The following ANGPT1 variants were observed in gnomAD, a reference collection of about 807,000 sequenced individuals.
ANGPT1 encodes the protein angiopoietin 1, also known as angiopoietin-1.
ANGPT1 carries 17 observed loss-of-function variants against 62.2 expected under a neutral mutation model. The observed-to-expected ratio is 0.27, with a 90% CI of 0.19 to 0.41. ANGPT1 has a LOEUF of 0.41. Among genes scored for constraint, ANGPT1 ranks in the 10% least tolerant of loss-of-function variants. The probability of loss-of-function intolerance (pLI) is 1.00; values close to 1 mark genes in which losing one functional copy is unlikely to be tolerated. For synonymous variants in ANGPT1, 199 were observed against 198.9 expected (o/e 1.00, Z 0.00); for missense variants, 478 against 594.9 (o/e 0.80, Z 2.04).
intron 1 of ANGPT1, among the ~76,000 whole-genome samples, chr8:107,457,851 CA>C (rs1811960860): frequency 2.7e-5 from 4 of 150,396 alleles, no homozygotes; most frequent in Admixed American, 1.3e-4. Flanking sequence ...CACACACACA[CA>C]CACACACACA....
chr8:107,476,273 A>T (rs1285145067), intron 1 of ANGPT1, among the ~76,000 whole-genome samples: 6 of 152,210 alleles, frequency 3.9e-5, no homozygotes, highest in Non-Finnish European at 7.3e-5. Context: ...GGATGAGTTC[A>T]TGTCCTTTGT....
chr8:107,263,179 C>A (rs1378272157), intron 8 of ANGPT1, among the ~76,000 whole-genome samples: 1 of 151,684 alleles, frequency 6.6e-6, no homozygotes, highest in Non-Finnish European at 1.5e-5. Context: ...CATGGTGAAA[C>A]CCCGTCTTTA....
intron 1 of ANGPT1, among the ~76,000 whole-genome samples, chr8:107,490,132 A>G (rs182435689): frequency 1.1e-3 from 167 of 152,326 alleles, no homozygotes; most frequent in African/African-American, 4.0e-3. Context: ...CATCATCTGC[A>G]CAAGTGAGAG....
chr8:107,322,172 T>C, intron 3 of ANGPT1, 44 bp from the exon 4 acceptor site: 1 of 1,424,018 alleles, frequency 7.0e-7, no homozygotes, highest in Non-Finnish European at 9.6e-7. Flanking sequence ...AAAAATGTTA[T>C]ACAAAAAAAC....
chr8:107,291,409 G>GTGTTTTGTTT (rs74814127), intron 6 of ANGPT1, among the ~76,000 whole-genome samples: 22 of 151,170 alleles, frequency 1.5e-4, no homozygotes, highest in Admixed American at 4.0e-4. Context: ...GACTATAATT[G>GTGTTTTGTTT]TGTTTTGTTT....
At chr8:107,376,587 G>A (rs1816535287) in intron 1 of ANGPT1, among the ~76,000 whole-genome samples, 1 of 152,100 alleles carries the variant, frequency 6.6e-6, no homozygotes, top group African/African-American at 2.4e-5. Flanking sequence ...GGTTCAGGAG[G>A]AGGGAGCAGT....
intron 1 of ANGPT1, among the ~76,000 whole-genome samples, chr8:107,427,594 A>C (rs1324434050): frequency 6.6e-6 from 1 of 152,146 alleles, no homozygotes; most frequent in Non-Finnish European, 1.5e-5. Flanking sequence ...CCTTGTCCAT[A>C]ACATTTCTGT....
rs1817258066 is a variant in ANGPT1 at position 107,411,021 on chromosome 8, G to A, written c.298-63924C>T. 2.0e-5 allele frequency among the ~76,000 whole-genome samples: 3 copies of A among 152,044 alleles called. No homozygotes were observed. The South Asian group carries it at 6.2e-4, about 32-fold the overall frequency. On this transcript the variant is annotated intron_variant, in intron 1 of 8. Transcript: ENST00000517746. ...GAGCTAAATAACACTGGTTTCTGTG[G>A]ATTTGAACAAAATCATAGGATAAAA... is the stretch of plus-strand genomic sequence containing the variant.
chr8:107,446,531 T>C (rs1195982262), intron 1 of ANGPT1, among the ~76,000 whole-genome samples: 2 of 152,192 alleles, frequency 1.3e-5, no homozygotes, highest in Non-Finnish European at 2.9e-5. Context: ...ATTTGGCCTA[T>C]AAAGATAAAG....
At chr8:107,300,671 G>A (rs1814565789) in intron 5 of ANGPT1, among the ~76,000 whole-genome samples, 1 of 151,740 alleles carries the variant, frequency 6.6e-6, no homozygotes, top group Admixed American at 6.6e-5. Flanking sequence ...GGTACGTATG[G>A]GTATGTTACT....
intron 1 of ANGPT1, among the ~76,000 whole-genome samples, chr8:107,475,527 C>G (rs577369916): frequency 1.3e-5 from 2 of 152,232 alleles, no homozygotes; most frequent in East Asian, 3.9e-4. Flanking sequence ...TAGGCATGGG[C>G]AAGGACTTCA....
Position 107,346,933 on chromosome 8 carries a change from G to T in ANGPT1, c.453+9C>A. The T allele has an allele frequency of 6.2e-7, 1 of 1,606,828 alleles. No individual in the cohort carries two copies. The highest frequency in any genetic ancestry group is 8.5e-7 in the Non-Finnish European group (1 of 1,176,536). Reference sequence around the variant, plus strand: ...TGTTGAGTCTGTGGACTCTGGCCCTGGGGTGTACCTGGGTCTCAACATCTG... The same window carrying T: ...TGTTGAGTCTGTGGACTCTGGCCCTTGGGTGTACCTGGGTCTCAACATCTG... On this transcript the variant is annotated intron_variant, in intron 2 of 8. Coordinates refer to ENST00000517746, the MANE Select transcript of ANGPT1 (RefSeq NM_001146.5).
At chr8:107,402,256 T>G (rs1563606633) in intron 1 of ANGPT1, among the ~76,000 whole-genome samples, 1 of 152,148 alleles carries the variant, frequency 6.6e-6, no homozygotes, top group Non-Finnish European at 1.5e-5. Context: ...AGATCTTCTG[T>G]GTTGAAAGTC....
chr8:107,312,048 A>G (rs2130018406), intron 4 of ANGPT1, among the ~76,000 whole-genome samples: 1 of 145,634 alleles, frequency 6.9e-6, no homozygotes, highest in African/African-American at 2.6e-5. Context: ...TGGGCGACAG[A>G]GCGAGACTCC....
chr8:107,495,538 G>A (rs745844314), intron 1 of ANGPT1, among the ~76,000 whole-genome samples: 5 of 152,156 alleles, frequency 3.3e-5, no homozygotes, highest in Non-Finnish European at 7.4e-5. Context: ...AATCACTATT[G>A]TGATTATACG....
At chr8:107,419,035 G>A (rs931462292) in intron 1 of ANGPT1, among the ~76,000 whole-genome samples, 10 of 152,152 alleles carry the variant, frequency 6.6e-5, no homozygotes, top group African/African-American at 2.4e-4. Context: ...ACTGATATGT[G>A]TACATGTATC....
At chr8:107,277,784 T>C (rs1307779938) in intron 7 of ANGPT1, among the ~76,000 whole-genome samples, 1 of 152,118 alleles carries the variant, frequency 6.6e-6, no homozygotes, top group Non-Finnish European at 1.5e-5. Context: ...CAGAAAGAGC[T>C]GTTCTGGGAA....
At position 107,293,182 on chromosome 8, in the gene ANGPT1, A is replaced by G. The variant is rs139384484; in HGVS notation, c.1038+754T>C. Among the ~76,000 whole-genome samples, 90 of 144,832 alleles carry G rather than the reference A, an allele frequency of 6.2e-4. 1 individual carries two copies. In the East Asian group the frequency reaches 0.016, roughly 25 times the overall value. ...TATAGGGCAGACATATTGAGCATTA[A>G]AAAAGAGAAGAACTGTGATGATGAT... is the stretch of plus-strand genomic sequence containing the variant. On this transcript the variant is annotated intron_variant, in intron 6 of 8. Coordinates refer to ENST00000517746, the MANE Select transcript of ANGPT1 (RefSeq NM_001146.5).
chr8:107,279,921 T>G (rs1432010553), intron 7 of ANGPT1, among the ~76,000 whole-genome samples: 1 of 152,114 alleles, frequency 6.6e-6, no homozygotes, highest in Admixed American at 6.6e-5. Flanking sequence ...ATGAGGGTGA[T>G]GCATTTCTCT....
Sources: allele counts gnomAD v4.1 joint callset (sites outside exome capture counted in the v4.1 genomes callset), GRCh38; gene constraint gnomAD v4.1.1; transcripts MANE v1.5; gene names NCBI Gene and HGNC (gene_info 2026-07-23, HGNC 2026-07-21).